Variants in ZNF700 observed in about 807,000 individuals in gnomAD.
ZNF700 encodes zinc finger protein 700.
ZNF700 carries 38 observed loss-of-function variants against 65.3 expected under a neutral mutation model. The observed-to-expected ratio is 0.58, with a 90% CI of 0.45 to 0.76. The LOEUF is 0.76. Ranked by LOEUF, ZNF700 falls within the 30% of genes least tolerant of loss-of-function variation. The pLI, the probability that ZNF700 is intolerant of heterozygous loss-of-function variation, is 0.00. For missense variants in ZNF700, 857 were observed against 888.4 expected, an observed-to-expected ratio of 0.96 and a Z score of 0.45; for synonymous variants, 285 against 290.4, an observed-to-expected ratio of 0.98 and a Z score of 0.19.
intron 1 of ZNF700, among the ~76,000 whole-genome samples, chr19:11,936,734 T>C (rs1972801990): frequency 6.6e-6 from 1 of 152,204 alleles, no homozygotes; most frequent in African/African-American, 2.4e-5. Context: ...TGCCATTGCT[T>C]TTGGTGTTTT....
At chr19:11,937,136 T>C (rs980509284) in intron 1 of ZNF700, among the ~76,000 whole-genome samples, 1 of 152,228 alleles carries the variant, frequency 6.6e-6, no homozygotes, top group African/African-American at 2.4e-5. Flanking sequence ...TTGTGTTGTG[T>C]GTGAAACCTT....
chr19:11,944,812 A>G lies in ZNF700; in HGVS notation c.64-2369A>G, dbSNP rs150764075. Reference sequence around the variant, plus strand: ...TACATCGCTGTGCCACTGTTTCAGCAAGGGCTGATAAATGTGAGATGTAGA... The same window carrying G: ...TACATCGCTGTGCCACTGTTTCAGCGAGGGCTGATAAATGTGAGATGTAGA... On this transcript the variant is annotated intron_variant, in intron 1 of 3. Transcript: ENST00000254321. Among the ~76,000 whole-genome samples, 58 of 152,326 alleles carry G rather than the reference A, an allele frequency of 3.8e-4. No individual in the cohort carries two copies. The East Asian group carries it at 0.011, about 28-fold the overall frequency.
intron 1 of ZNF700, among the ~76,000 whole-genome samples, chr19:11,936,443 G>A (rs1365543383): frequency 6.6e-6 from 1 of 152,212 alleles, no homozygotes; most frequent in Non-Finnish European, 1.5e-5. Flanking sequence ...GACCAGTGTT[G>A]ATGAGCATTT....
At chr19:11,935,233 GTTTT>G (rs1278688727) in intron 1 of ZNF700, among the ~76,000 whole-genome samples, 1 of 93,234 alleles carries the variant, frequency 1.1e-5, no homozygotes, top group East Asian at 3.4e-4. Context: ...GAAAGATCTT[GTTTT>G]TTTTTTTTTT....
rs564589646 is a variant in ZNF700 at position 11,931,146 on chromosome 19, A to G, written c.63+5873A>G. 5.4e-5 allele frequency among the ~76,000 whole-genome samples: 8 copies of G among 148,252 alleles called. 1 individual carries two copies. Among genetic ancestry groups the G allele is most frequent in the South Asian group, 2.1e-4 (1 of 4,784 alleles). On this transcript the variant is annotated intron_variant, in intron 1 of 3. Coordinates refer to ENST00000254321, the MANE Select transcript of ZNF700 (RefSeq NM_144566.3). ...TGTGTAGTAGGGATAGTGCCTCTCT[A>G]TCTTAGTCATCTTGGGCTGCTATAT...
At chr19:11,935,477 C>A (rs1453606409) in intron 1 of ZNF700, among the ~76,000 whole-genome samples, 5 of 151,956 alleles carry the variant, frequency 3.3e-5, no homozygotes, top group Non-Finnish European at 7.4e-5. Context: ...GATGATCCAC[C>A]CACCTCAGCC....
In ZNF700 at chr19:11,950,541, C is replaced by A; in HGVS notation, c.*288C>A. 1.7e-6 allele frequency: 1 copy of A among 595,488 alleles called. No individual in the cohort carries two copies. The highest frequency in any genetic ancestry group is 3.2e-6 in the Non-Finnish European group (1 of 316,338). 36.9% of individuals were successfully genotyped at this position (595,488 alleles called of 1,614,324 possible). On this transcript the variant is annotated 3_prime_UTR_variant, in exon 4 of 4. Coordinates refer to ENST00000254321, the MANE Select transcript of ZNF700 (RefSeq NM_144566.3). ...TGGAGTGAAACCCTATGAATGTAAG[C>A]AATGTGGGAAAGCCTTCAGATGTGC...
At chr19:11,939,366 A>T (rs956300980) in intron 1 of ZNF700, among the ~76,000 whole-genome samples, 1 of 152,134 alleles carries the variant, frequency 6.6e-6, no homozygotes, top group Admixed American at 6.6e-5. Flanking sequence ...TAGGTCTAAC[A>T]TTTAAGTCTT....
chr19:11,943,995 G>A (rs1463831507), intron 1 of ZNF700, among the ~76,000 whole-genome samples: 6 of 152,058 alleles, frequency 3.9e-5, no homozygotes, highest in East Asian at 3.9e-4. Context: ...GATCCAGGCC[G>A]GGATTCCCTC....
intron 1 of ZNF700, among the ~76,000 whole-genome samples, chr19:11,936,729 T>G (rs1448076428): frequency 6.6e-6 from 1 of 152,208 alleles, no homozygotes; most frequent in Admixed American, 6.5e-5. Flanking sequence ...TCTGTTGCCA[T>G]TGCTTTTGGT....
intron 1 of ZNF700, among the ~76,000 whole-genome samples, chr19:11,931,775 C>T (rs376106085): frequency 6.8e-6 from 1 of 148,070 alleles, no homozygotes; most frequent in East Asian, 1.9e-4. Flanking sequence ...GCATAATAAT[C>T]ATTTTTTATC....
rs372978191 is a variant in ZNF700, at chr19:11,948,965, C to T, written c.941C>T (p.Ala314Val). The change falls in exon 4 of 4, where the codon GCA (alanine) becomes GTA (valine). Residue 314 changes from alanine to valine, a missense_variant. This residue lies in a region of ZNF700 where 603 missense variants were observed against 619.9 expected (regional missense o/e 0.97). Coordinates refer to ENST00000254321, the MANE Select transcript of ZNF700 (RefSeq NM_144566.3). ...KPYQCKECGK[A>V]FAYTSSLRRH... ...TATCAATGCAAAGAATGTGGAAAAG[C>T]ATTTGCATATACCAGTTCTCTTCGT... 4.3e-5 allele frequency: 69 copies of T among 1,608,434 alleles called. No homozygotes were observed. The highest frequency in any genetic ancestry group is 1.6e-4 in the Admixed American group (9 of 57,938).
chr19:11,944,775 G>T (rs999453177), intron 1 of ZNF700, among the ~76,000 whole-genome samples: 8 of 152,204 alleles, frequency 5.3e-5, no homozygotes, highest in African/African-American at 1.7e-4. Context: ...GCATTGTGTT[G>T]TTGGCAGGTA....
intron 1 of ZNF700, among the ~76,000 whole-genome samples, chr19:11,925,931 A>G (rs1972620234): frequency 6.6e-6 from 1 of 152,176 alleles, no homozygotes; most frequent in Non-Finnish European, 1.5e-5. Context: ...TGCAGGGAAA[A>G]TGATGAATCA....
At position 11,931,282 on chromosome 19, in the gene ZNF700, C is replaced by T. The variant is rs548543746; in HGVS notation, c.63+6009C>T. Among the ~76,000 whole-genome samples the T allele has an allele frequency of 1.8e-3, 262 of 147,932 alleles. 6 individuals carry two copies. The highest frequency in any genetic ancestry group is 0.011 in the South Asian group (53 of 4,780). On this transcript the variant is annotated intron_variant, in intron 1 of 3. Coordinates refer to ENST00000254321, the MANE Select transcript of ZNF700 (RefSeq NM_144566.3). ...GGCAGATCTAGTGTCCAGCAAGGGCCCGCTTCCTGGTTTGCAAATGATCGT... is the reference window on the plus strand; with the variant it reads ...GGCAGATCTAGTGTCCAGCAAGGGCTCGCTTCCTGGTTTGCAAATGATCGT...
intron 1 of ZNF700, among the ~76,000 whole-genome samples, chr19:11,945,977 G>C (rs1467635185): frequency 6.6e-6 from 1 of 152,078 alleles, no homozygotes; most frequent in South Asian, 2.1e-4. Context: ...TTGGATAAGG[G>C]GGTGACCGGG....
intron 1 of ZNF700, among the ~76,000 whole-genome samples, chr19:11,935,175 CA>C (rs570889462): frequency 0.025 from 1,117 of 44,386 alleles, 7 homozygotes; most frequent in African/African-American, 0.051. Flanking sequence ...GACTCCGTCT[CA>C]AAAAAAAAAA....
chr19:11,925,822 A>C (rs947102172), intron 1 of ZNF700, among the ~76,000 whole-genome samples: 3 of 151,994 alleles, frequency 2.0e-5, no homozygotes, highest in Non-Finnish European at 4.4e-5. Context: ...AATAGGAGAG[A>C]CCTTGGCCGA....
At position 11,949,530 on chromosome 19, in the gene ZNF700, C is replaced by T. The variant is rs2145304016; in HGVS notation, c.1506C>T (p.Pro502=). The part of the protein sequence containing the change: ...HERTEKHIRM[P]SGERPYKCSI... Reference sequence around the variant, plus strand: ...GGACAGAAAAACACATAAGAATGCCCTCTGGAGAAAGACCTTATAAATGTA... The same window carrying T: ...GGACAGAAAAACACATAAGAATGCCTTCTGGAGAAAGACCTTATAAATGTA... The change falls in exon 4 of 4, where the codon CCC becomes CCT. Residue 502 remains proline, a synonymous_variant. Transcript: ENST00000254321. 2 of 1,611,158 alleles carry T rather than the reference C, an allele frequency of 1.2e-6. No individual in the cohort carries two copies. The highest frequency in any genetic ancestry group is 1.7e-6 in the Non-Finnish European group (2 of 1,179,502).
Sources: gnomAD v4.1 joint callset for allele counts (sites outside exome capture counted in the v4.1 genomes callset) on GRCh38, gnomAD v4.1.1 for gene constraint, gnomAD v4.1.1 regional missense constraint, MANE v1.5 for transcripts, NCBI Gene and HGNC (gene_info 2026-07-23, HGNC 2026-07-21) for gene names.